PDE4D: variants seen among roughly 807,000 people sequenced by gnomAD.
The protein encoded by PDE4D is 3',5'-cyclic-AMP phosphodiesterase 4D.
PDE4D carries 24 observed loss-of-function variants against 87.4 expected under a neutral mutation model. That is an observed-to-expected ratio of 0.27 (90% CI 0.20 to 0.39). PDE4D has a LOEUF of 0.39. Among genes scored for constraint, PDE4D ranks in the 10% least tolerant of loss-of-function variants. The pLI is 1.00. For missense variants in PDE4D, 714 were observed against 1,041.0 expected, an observed-to-expected ratio of 0.69 and a Z score of 4.32; for synonymous variants, 384 against 383.2, an observed-to-expected ratio of 1.00 and a Z score of -0.02.
intron 2 of PDE4D, among the ~76,000 whole-genome samples, chr5:60,133,369 T>C (rs1191126693): frequency 1.3e-5 from 2 of 152,072 alleles, no homozygotes; most frequent in Non-Finnish European, 2.9e-5. Flanking sequence ...CGTTCTGTTG[T>C]CCAGACTGGA....
intron 1 of PDE4D, among the ~76,000 whole-genome samples, chr5:59,355,546 C>T (rs1035947869): frequency 3.3e-5 from 5 of 152,014 alleles, no homozygotes; most frequent in African/African-American, 4.8e-5. Flanking sequence ...TAACAAAATG[C>T]AAAGCACATA....
chr5:59,532,020 A>G (rs1362027633), intron 1 of PDE4D, among the ~76,000 whole-genome samples: 2 of 152,218 alleles, frequency 1.3e-5, no homozygotes, highest in Non-Finnish European at 2.9e-5. Flanking sequence ...GGTATATAGT[A>G]TAAACTCAAA....
chr5:60,498,104 G>C (rs572162633), intron 1 of PDE4D, among the ~76,000 whole-genome samples: 1 of 152,056 alleles, frequency 6.6e-6, no homozygotes, highest in East Asian at 1.9e-4. Flanking sequence ...TTGGATAACA[G>C]AAAGAAGGCA....
intron 1 of PDE4D, among the ~76,000 whole-genome samples, chr5:60,213,840 G>A (rs1249620820): frequency 1.3e-5 from 2 of 152,080 alleles, no homozygotes; most frequent in East Asian, 1.9e-4. Flanking sequence ...TCTCAGACTC[G>A]TCCAGCGAGA....
intron 1 of PDE4D, among the ~76,000 whole-genome samples, chr5:60,406,846 T>C (rs557171671): frequency 1.3e-5 from 2 of 152,254 alleles, no homozygotes; most frequent in South Asian, 2.1e-4. Flanking sequence ...CTTCTATTTC[T>C]TGTAAATTAT....
intron 1 of PDE4D, among the ~76,000 whole-genome samples, chr5:60,194,332 C>T (rs1173858456): frequency 6.6e-6 from 1 of 151,638 alleles, no homozygotes; most frequent in African/African-American, 2.4e-5. Context: ...ATTGTTTTGC[C>T]TTCTAGAAAA....
intron 1 of PDE4D, among the ~76,000 whole-genome samples, chr5:59,355,389 G>C (rs1041005411): frequency 2.6e-5 from 4 of 152,070 alleles, no homozygotes; most frequent in African/African-American, 9.7e-5. Flanking sequence ...GGAGATTTAT[G>C]ATATTAAGGA....
intron 5 of PDE4D, among the ~76,000 whole-genome samples, chr5:59,104,220 A>T (rs1398426671): frequency 1.3e-5 from 2 of 152,250 alleles, no homozygotes; most frequent in Non-Finnish European, 2.9e-5. Flanking sequence ...GTAAACTATG[A>T]ACCAGATAGT....
intron 6 of PDE4D, chr5:58,999,879 G>T: frequency 1.0e-6 from 1 of 986,266 alleles, no homozygotes; most frequent in Non-Finnish European, 1.2e-6. Flanking sequence ...TGTATGTCAA[G>T]ATGCTTAGTT....
chr5:59,313,371 G>A (rs957073904), intron 1 of PDE4D, among the ~76,000 whole-genome samples: 1 of 152,040 alleles, frequency 6.6e-6, no homozygotes, highest in South Asian at 2.1e-4. Flanking sequence ...CTGCTTTTGA[G>A]TAGGAATATA....
chr5:59,683,592 T>G (rs1749384947), intron 1 of PDE4D, among the ~76,000 whole-genome samples: 1 of 152,158 alleles, frequency 6.6e-6, no homozygotes, highest in Non-Finnish European at 1.5e-5. Context: ...ATAACCACAC[T>G]GTACAGAAAG....
At chr5:60,195,957 C>A (rs1293917526) in intron 1 of PDE4D, among the ~76,000 whole-genome samples, 1 of 151,668 alleles carries the variant, frequency 6.6e-6, no homozygotes, top group Non-Finnish European at 1.5e-5. Flanking sequence ...CTAGTCAGAA[C>A]TTTGTCCCTG....
At chr5:58,981,396 G>A (rs1345286635) in intron 11 of PDE4D, among the ~76,000 whole-genome samples, 1 of 151,960 alleles carries the variant, frequency 6.6e-6, no homozygotes, top group Non-Finnish European at 1.5e-5. Flanking sequence ...CTCTTATCCT[G>A]ATAGCCTATA....
chr5:59,838,515 A>G (rs767170104), intron 1 of PDE4D, among the ~76,000 whole-genome samples: 1 of 152,084 alleles, frequency 6.6e-6, no homozygotes, highest in Non-Finnish European at 1.5e-5. Context: ...AGGGAGGCCT[A>G]CTTCCATCCT....
At chr5:60,030,407 G>A (rs1204571958) in intron 2 of PDE4D, among the ~76,000 whole-genome samples, 3 of 152,088 alleles carry the variant, frequency 2.0e-5, no homozygotes, top group South Asian at 2.1e-4. Context: ...CCGAGATTGC[G>A]CCACTGCAGT....
chr5:59,045,863 T>C (rs1486734036), intron 5 of PDE4D, among the ~76,000 whole-genome samples: 1 of 152,234 alleles, frequency 6.6e-6, no homozygotes, highest in Non-Finnish European at 1.5e-5. Flanking sequence ...TCTTTGACCA[T>C]ATTAAGAATA....
At chr5:59,954,703 G>A (rs1758653146) in intron 3 of PDE4D, among the ~76,000 whole-genome samples, 1 of 152,160 alleles carries the variant, frequency 6.6e-6, no homozygotes, top group Non-Finnish European at 1.5e-5. Flanking sequence ...TGTCAGGTAA[G>A]AGAGCACTTT....
chr5:60,190,900 G>T (rs1186385714), intron 1 of PDE4D, among the ~76,000 whole-genome samples: 1 of 152,132 alleles, frequency 6.6e-6, no homozygotes, highest in Non-Finnish European at 1.5e-5. Context: ...AGAGTCAAGT[G>T]ATCTGTGATT....
chr5:59,658,028 G>A (rs892178596), intron 1 of PDE4D, among the ~76,000 whole-genome samples: 3 of 152,062 alleles, frequency 2.0e-5, no homozygotes, highest in African/African-American at 7.2e-5. Flanking sequence ...ACTGGTTTAA[G>A]GGAAAACTGA....
Sources: allele counts gnomAD v4.1 joint callset (sites outside exome capture counted in the v4.1 genomes callset), GRCh38; gene constraint gnomAD v4.1.1; transcripts MANE v1.5; gene names NCBI Gene and HGNC (gene_info 2026-07-23, HGNC 2026-07-21).